The following MSRA variants were observed in gnomAD, a reference collection of about 807,000 sequenced individuals.
MSRA encodes the protein mitochondrial peptide methionine sulfoxide reductase.
A neutral mutation model predicts 31.3 loss-of-function variants in MSRA; 54 were observed. The ratio of observed to expected loss-of-function variants is 1.73; its 90% CI spans 1.39 to 2.17. MSRA has a LOEUF of 2.17. Among genes scored for constraint, MSRA ranks in the 30% most tolerant of loss-of-function variants. The pLI is 0.00. For missense variants in MSRA, 507 were observed against 300.9 expected (o/e 1.69, Z -5.07); for synonymous variants, 169 against 116.5 (o/e 1.45, Z -2.90).
In MSRA at chr8:10,074,058, C is replaced by CTTTTTTTTTT. The variant is rs534642712; in HGVS notation, c.142+19431_142+19440dup. Among the ~76,000 whole-genome samples the CTTTTTTTTTT allele has an allele frequency of 1.9e-3, 56 of 29,450 alleles. 15 individuals carry two copies. Among genetic ancestry groups the CTTTTTTTTTT allele is most frequent in the East Asian group, 5.1e-3 (3 of 588 alleles). The allele number at this position is 29,450 out of a possible 152,430, so 19.3% of individuals were successfully genotyped here. A position where few individuals can be genotyped will look rare whatever the true frequency, so the allele number is the denominator to read the frequency against. On this transcript the variant is annotated intron_variant, in intron 1 of 5. Transcript: ENST00000317173. ...CATTTTGTTTTGTCTAAGGGAGGTG[C>CTTTTTTTTTT]TTTTTTTTTTTTTTTTTTTTTTTTT... is the stretch of plus-strand genomic sequence containing the variant.
At chr8:10,405,015 C>T (rs1304582714) in intron 5 of MSRA, among the ~76,000 whole-genome samples, 1 of 152,186 alleles carries the variant, frequency 6.6e-6, no homozygotes, top group Non-Finnish European at 1.5e-5. Flanking sequence ...GCCTGGGCCA[C>T]CCTGTGCTCC....
At chr8:10,232,264 G>T (rs898611848) in intron 2 of MSRA, among the ~76,000 whole-genome samples, 7 of 152,230 alleles carry the variant, frequency 4.6e-5, no homozygotes, top group African/African-American at 9.6e-5. Context: ...CTCCCTGTTG[G>T]TTTCCACTCT....
intron 5 of MSRA, among the ~76,000 whole-genome samples, chr8:10,393,475 A>G (rs749160334): frequency 1.1e-4 from 16 of 152,208 alleles, no homozygotes; most frequent in Non-Finnish European, 1.9e-4. Flanking sequence ...CAAACATTCT[A>G]TGGCTGACAC....
intron 1 of MSRA, among the ~76,000 whole-genome samples, chr8:10,150,354 G>T (rs1413692337): frequency 6.6e-6 from 1 of 152,114 alleles, no homozygotes; most frequent in Non-Finnish European, 1.5e-5. Flanking sequence ...GTACAAATAT[G>T]TGCACTTCGA....
chr8:10,125,549 A>G lies in MSRA; in HGVS notation c.142+70891A>G, dbSNP rs530219978. ...AGCACATGGACTGTGGTGGGAGATG[A>G]GGCTGAGAACATTGGGGGCCAGGCT... is the stretch of plus-strand genomic sequence containing the variant. On this transcript the variant is annotated intron_variant, in intron 1 of 5. Transcript: ENST00000317173. 2.7e-3 allele frequency among the ~76,000 whole-genome samples: 414 copies of G among 152,270 alleles called. 18 individuals carry two copies. The highest frequency in any genetic ancestry group is 3.0e-3 in the Non-Finnish European group (201 of 68,016).
chr8:10,297,446 G>C (rs1350476273), intron 3 of MSRA, among the ~76,000 whole-genome samples: 1 of 152,218 alleles, frequency 6.6e-6, no homozygotes, highest in Non-Finnish European at 1.5e-5. Context: ...GTTATGTGAA[G>C]ACACGGCTTG....
At chr8:10,359,065 C>T (rs1300209135) in intron 5 of MSRA, among the ~76,000 whole-genome samples, 2 of 152,140 alleles carry the variant, frequency 1.3e-5, no homozygotes, top group East Asian at 1.9e-4. Context: ...AAAAATTGTC[C>T]ATGGATTGAT....
intron 5 of MSRA, among the ~76,000 whole-genome samples, chr8:10,396,612 A>G (rs1216488237): frequency 2.0e-5 from 3 of 152,204 alleles, no homozygotes; most frequent in African/African-American, 7.2e-5. Context: ...GGTTGAAGAC[A>G]GTTTCTCAAT....
intron 5 of MSRA, among the ~76,000 whole-genome samples, chr8:10,346,121 A>G (rs1803758825): frequency 6.6e-6 from 1 of 152,198 alleles, no homozygotes; most frequent in African/African-American, 2.4e-5. Flanking sequence ...AAGTTCCCTA[A>G]GGATACCAGG....
At chr8:10,216,996 G>A (rs936331470) in intron 2 of MSRA, among the ~76,000 whole-genome samples, 7 of 152,212 alleles carry the variant, frequency 4.6e-5, no homozygotes, top group East Asian at 1.9e-4. Flanking sequence ...TTTCCAAAAC[G>A]GCTATACTTT....
Position 10,072,299 on chromosome 8 carries a change from C to T in MSRA, c.142+17641C>T, listed in dbSNP as rs533947974. 9.1e-4 allele frequency among the ~76,000 whole-genome samples: 64 copies of T among 70,166 alleles called. 1 individual carries two copies. In the South Asian group the frequency reaches 0.037, roughly 40 times the overall value. 46.0% of individuals were successfully genotyped at this position (70,166 alleles called of 152,430 possible). On this transcript the variant is annotated intron_variant, in intron 1 of 5. Coordinates refer to ENST00000317173, the MANE Select transcript of MSRA (RefSeq NM_012331.5). ...AGGCTGTGCACACAAGACTCCCTTT[C>T]GCAACATTTTTTTTTTTTTTTGTCT... is the stretch of plus-strand genomic sequence containing the variant.
intron 1 of MSRA, among the ~76,000 whole-genome samples, chr8:10,132,837 G>A (rs1249363898): frequency 6.6e-6 from 1 of 152,220 alleles, no homozygotes; most frequent in Non-Finnish European, 1.5e-5. Context: ...TTGCAGAGTA[G>A]GTACACAAAG....
intron 1 of MSRA, among the ~76,000 whole-genome samples, chr8:10,178,777 G>A (rs1380221888): frequency 6.6e-6 from 1 of 152,142 alleles, no homozygotes; most frequent in Non-Finnish European, 1.5e-5. Flanking sequence ...ATTGGAACTA[G>A]GTTGAGATAC....
intron 5 of MSRA, among the ~76,000 whole-genome samples, chr8:10,348,188 G>A (rs1351559485): frequency 6.6e-6 from 1 of 152,104 alleles, no homozygotes; most frequent in Admixed American, 6.5e-5. Flanking sequence ...GCATAATTGT[G>A]TGTCTGAACC....
chr8:10,382,074 A>G (rs549077053), intron 5 of MSRA, among the ~76,000 whole-genome samples: 19 of 152,358 alleles, frequency 1.2e-4, no homozygotes, highest in Non-Finnish European at 2.2e-4. Context: ...ACTGAGTCCC[A>G]GTGAAGTTAA....
chr8:10,401,588 G>A (rs1035706228), intron 5 of MSRA, among the ~76,000 whole-genome samples: 1 of 152,146 alleles, frequency 6.6e-6, no homozygotes, highest in Non-Finnish European at 1.5e-5. Context: ...ATTGAAAGCA[G>A]GGATTCAAAC....
chr8:10,213,340 G>A (rs560219376), intron 2 of MSRA, among the ~76,000 whole-genome samples: 102 of 148,900 alleles, frequency 6.9e-4, no homozygotes, highest in African/African-American at 2.4e-3. Context: ...ACATAGTGTT[G>A]TTGCAACACT....
intron 1 of MSRA, among the ~76,000 whole-genome samples, chr8:10,112,182 A>G (rs11774411): frequency 6.6e-6 from 1 of 152,008 alleles, no homozygotes; most frequent in Non-Finnish European, 1.5e-5. Flanking sequence ...AACTCACCAC[A>G]ATCACGTAGG....
At chr8:10,156,963 G>A (rs1192888704) in intron 1 of MSRA, among the ~76,000 whole-genome samples, 1 of 151,584 alleles carries the variant, frequency 6.6e-6, no homozygotes, top group African/African-American at 2.4e-5. Flanking sequence ...GCTTGGCACT[G>A]TGCTGTGCTT....
Sources: allele counts gnomAD v4.1 joint callset (sites outside exome capture counted in the v4.1 genomes callset), GRCh38; gene constraint gnomAD v4.1.1; transcripts MANE v1.5; gene names NCBI Gene and HGNC (gene_info 2026-07-23, HGNC 2026-07-21).